MIA2: variants seen among roughly 807,000 people sequenced by gnomAD.
The protein encoded by MIA2 is MIA SH3 domain ER export factor 2, also known as melanoma inhibitory activity protein 2.
A neutral mutation model predicts 167.8 loss-of-function variants in MIA2; 127 were observed. That is an observed-to-expected ratio of 0.76 (90% CI 0.66 to 0.88). MIA2 has a LOEUF of 0.88. Among genes scored for constraint, MIA2 ranks in the 40% least tolerant of loss-of-function variants. The probability of loss-of-function intolerance (pLI) is 0.00; values close to 1 mark genes in which losing one functional copy is unlikely to be tolerated. For missense variants in MIA2, 1,690 were observed against 1,624.7 expected, an observed-to-expected ratio of 1.04 and a Z score of -0.69; for synonymous variants, 552 against 541.9, an observed-to-expected ratio of 1.02 and a Z score of -0.26.
At chr14:39,323,416 G>A (rs2066856888) in intron 24 of MIA2, among the ~76,000 whole-genome samples, 1 of 152,172 alleles carries the variant, frequency 6.6e-6, no homozygotes, top group East Asian at 1.9e-4. Flanking sequence ...TGACATGTCT[G>A]CTGCAAGCTT....
intron 23 of MIA2, among the ~76,000 whole-genome samples, chr14:39,383,199 C>A (rs1013070337): frequency 1.8e-4 from 27 of 152,122 alleles, no homozygotes; most frequent in Non-Finnish European, 1.5e-5. Context: ...AGGTTTGTGG[C>A]AACTCTGTTG....
chr14:39,313,824 A>G (rs1383831454), intron 19 of MIA2, among the ~76,000 whole-genome samples: 1 of 152,190 alleles, frequency 6.6e-6, no homozygotes, highest in Non-Finnish European at 1.5e-5. Context: ...TGCCACAAAA[A>G]GAAGAGTGAG....
intron 24 of MIA2, among the ~76,000 whole-genome samples, chr14:39,325,693 A>G (rs1039154385): frequency 6.8e-6 from 1 of 147,848 alleles, no homozygotes; most frequent in Non-Finnish European, 1.5e-5. Context: ...TGTCTTTTCC[A>G]TTTTAGTTGA....
chr14:39,293,936 A>G, intron 11 of MIA2, 64 bp from the exon 12 acceptor site: 3 of 1,268,240 alleles, frequency 2.4e-6, no homozygotes, highest in Non-Finnish European at 3.4e-6. Flanking sequence ...AGTATATCTA[A>G]TAAACATGGC....
Position 39,291,046 on chromosome 14 carries a change from T to C in MIA2, c.2158T>C (p.Leu720=). The C allele has an allele frequency of 6.2e-7, 1 of 1,608,134 alleles. No individual in the cohort carries two copies. Among genetic ancestry groups the C allele is most frequent in the Non-Finnish European group, 8.5e-7 (1 of 1,177,976 alleles). Residue 720 remains leucine, a synonymous_variant, in exon 10 of 29, where the codon TTA becomes CTA. Coordinates refer to ENST00000640607, the MANE Select transcript of MIA2 (RefSeq NM_001329214.4). ...TGAAGGCTATGAAGTAGAGTCATCT[T>C]TAAAGGATGCCAGCTTTGAGAAGGA... ...EYEGYEVESS[L]KDASFEKEAT...
chr14:39,273,331 T>C (rs1483049816), intron 6 of MIA2, among the ~76,000 whole-genome samples: 1 of 119,278 alleles, frequency 8.4e-6, no homozygotes, highest in Non-Finnish European at 1.8e-5. Context: ...CCTCAAATCG[T>C]ACTTTGTTGA....
chr14:39,258,530 T>C (rs1388145252), intron 6 of MIA2, among the ~76,000 whole-genome samples: 3 of 152,184 alleles, frequency 2.0e-5, no homozygotes, highest in Admixed American at 6.5e-5. Flanking sequence ...GGTTAGAACA[T>C]GCTCCTTTAG....
chr14:39,257,632 C>T (rs1467404334), intron 6 of MIA2, among the ~76,000 whole-genome samples: 2 of 152,130 alleles, frequency 1.3e-5, no homozygotes, highest in South Asian at 2.1e-4. Context: ...TGTCATGATG[C>T]TAGCTGGTTA....
rs530263792 is a variant in MIA2 at position 39,260,976 on chromosome 14, G to A, written c.1887+7805G>A. On this transcript the variant is annotated intron_variant, in intron 6 of 28. Transcript: ENST00000640607. ...TTATTAAATAGGGGATCCTTTCCCC[G>A]TTTCTTGTTTTTTTTTCTTTTTTTA... Among the ~76,000 whole-genome samples the A allele has an allele frequency of 1.5e-3, 231 of 151,552 alleles. 1 individual carries two copies. The highest frequency in any genetic ancestry group is 0.013 in the South Asian group (62 of 4,782).
intron 4 of MIA2, among the ~76,000 whole-genome samples, chr14:39,251,008 T>C (rs967214309): frequency 6.6e-6 from 1 of 152,128 alleles, no homozygotes; most frequent in Non-Finnish European, 1.5e-5. Context: ...GAGAGATTTC[T>C]ATAAAGCCAC....
rs1289790216 is a variant in MIA2, at chr14:39,266,953, G to A, written c.1888-9981G>A. The A allele has an allele frequency of 9.0e-6, 6 of 665,700 alleles. No individual in the cohort carries two copies. In the African/African-American group the frequency reaches 9.8e-5, roughly 11 times the overall value. 41.2% of individuals were successfully genotyped at this position (665,700 alleles called of 1,614,324 possible). ...ATAGCCCTGGTCTTTGGGGTTGTGCGGCTCACACGACAGCGCGGAGTATGA... is the reference window on the plus strand; with the variant it reads ...ATAGCCCTGGTCTTTGGGGTTGTGCAGCTCACACGACAGCGCGGAGTATGA... On this transcript the variant is annotated intron_variant, in intron 6 of 28. Coordinates refer to ENST00000640607, the MANE Select transcript of MIA2 (RefSeq NM_001329214.4).
chr14:39,373,787 C>T (rs1395155114), intron 23 of MIA2, among the ~76,000 whole-genome samples: 1 of 151,988 alleles, frequency 6.6e-6, no homozygotes, highest in Non-Finnish European at 1.5e-5. Flanking sequence ...TGCCATTGCA[C>T]TCCAGCCTGC....
chr14:39,238,116 G>A (rs532307880), intron 2 of MIA2, among the ~76,000 whole-genome samples: 138 of 152,184 alleles, frequency 9.1e-4, no homozygotes, highest in Non-Finnish European at 1.5e-3. Context: ...CAAATGAAGG[G>A]CTGAGTTGTT....
intron 25 of MIA2, among the ~76,000 whole-genome samples, chr14:39,336,558 T>A (rs984314095): frequency 6.6e-6 from 1 of 152,224 alleles, no homozygotes; most frequent in African/African-American, 2.4e-5. Context: ...GCATAGTATG[T>A]GTACAAAGTT....
chr14:39,382,703 G>C (rs1434445764), intron 23 of MIA2, among the ~76,000 whole-genome samples: 2 of 152,170 alleles, frequency 1.3e-5, no homozygotes, highest in African/African-American at 2.4e-5. Context: ...TACTGCTTAG[G>C]AACAAAAGGA....
chr14:39,275,586 A>G (rs1240526510), intron 6 of MIA2, among the ~76,000 whole-genome samples: 2 of 152,208 alleles, frequency 1.3e-5, no homozygotes, highest in Non-Finnish European at 2.9e-5. Flanking sequence ...GTAGAGTGTC[A>G]TAGGTCATAT....
chr14:39,290,989 G>T (rs536369298), intron 9 of MIA2, 30 bp from the exon 10 acceptor site: 4 of 1,575,832 alleles, frequency 2.5e-6, no homozygotes, highest in Non-Finnish European at 3.5e-6. Flanking sequence ...AATTGGTAGA[G>T]TTTTTACTTG....
At chr14:39,244,206 T>C (rs2054187983) in intron 3 of MIA2, among the ~76,000 whole-genome samples, 1 of 152,254 alleles carries the variant, frequency 6.6e-6, no homozygotes, top group Admixed American at 6.5e-5. Context: ...TTTTAGATTA[T>C]ATGGCTGGCT....
chr14:39,345,844 C>A, intron 25 of MIA2, 60 bp from the exon 26 acceptor site: 1 of 1,464,432 alleles, frequency 6.8e-7, no homozygotes, highest in South Asian at 1.2e-5. Flanking sequence ...ATACGTTAAA[C>A]TTAAGTAAAC....
Sources: allele counts gnomAD v4.1 joint callset (sites outside exome capture counted in the v4.1 genomes callset), GRCh38; gene constraint gnomAD v4.1.1; transcripts MANE v1.5; gene names NCBI Gene and HGNC (gene_info 2026-07-23, HGNC 2026-07-21).